The following DLG1 variants were observed in gnomAD, a reference collection of about 807,000 sequenced individuals.
DLG1 encodes discs large MAGUK scaffold protein 1.
Under a neutral mutation model 123.4 loss-of-function variants are expected in DLG1, and 42 were observed. That is an observed-to-expected ratio of 0.34 (90% CI 0.27 to 0.44). The LOEUF (loss-of-function observed/expected upper bound fraction) is 0.44, where lower values mean the gene tolerates loss of function less well. Ranked by LOEUF, DLG1 falls within the 20% of genes least tolerant of loss-of-function variation. DLG1 has a pLI of 1.00. For missense variants in DLG1, 942 were observed against 1,082.6 expected, an observed-to-expected ratio of 0.87 and a Z score of 1.82; for synonymous variants, 317 against 356.2, an observed-to-expected ratio of 0.89 and a Z score of 1.24.
At chr3:197,173,290 G>T (rs576082235) in intron 5 of DLG1, among the ~76,000 whole-genome samples, 1 of 152,266 alleles carries the variant, frequency 6.6e-6, no homozygotes, top group Admixed American at 6.5e-5. Context: ...GGATAAAAGG[G>T]TAGTTGATAA....
At chr3:197,110,260 A>T (rs1769113670) in intron 13 of DLG1, among the ~76,000 whole-genome samples, 1 of 152,180 alleles carries the variant, frequency 6.6e-6, no homozygotes. Flanking sequence ...TTCTTCTGCC[A>T]GCTCAAATCT....
At chr3:197,170,273 C>A (rs1346504883) in intron 5 of DLG1, among the ~76,000 whole-genome samples, 1 of 152,060 alleles carries the variant, frequency 6.6e-6, no homozygotes, top group Non-Finnish European at 1.5e-5. Flanking sequence ...GAGTATACAC[C>A]CAGTAATAGG....
chr3:197,078,880 A>C (rs918491701), intron 17 of DLG1, among the ~76,000 whole-genome samples: 3 of 152,200 alleles, frequency 2.0e-5, no homozygotes, highest in Middle Eastern at 3.2e-3. Flanking sequence ...TTCACAGCAA[A>C]CAACCAAAAG....
At chr3:197,283,859 G>GTTTTT (rs36055840) in intron 3 of DLG1, among the ~76,000 whole-genome samples, 7 of 104,880 alleles carry the variant, frequency 6.7e-5, no homozygotes, top group South Asian at 3.5e-4. Context: ...CAGTTGGGTT[G>GTTTTT]TTTTTTTTTT....
chr3:197,136,738 A>C, intron 9 of DLG1, 60 bp from the exon 10 acceptor site: 1 of 1,459,674 alleles, frequency 6.9e-7, no homozygotes, highest in Non-Finnish European at 9.3e-7. Flanking sequence ...CCAGAAAGAA[A>C]TGGTTGAAAA....
At chr3:197,288,737 A>C (rs1001445221) in intron 3 of DLG1, among the ~76,000 whole-genome samples, 31 of 57,314 alleles carry the variant, frequency 5.4e-4, no homozygotes, top group African/African-American at 3.0e-3. Context: ...AAAAAAAAAA[A>C]AAAAAAATAC....
At chr3:197,071,143 T>G (rs992915136) in intron 18 of DLG1, 12 of 152,158 alleles carry the variant, frequency 7.9e-5, no homozygotes, top group African/African-American at 2.9e-4. Flanking sequence ...AAAAGAGTTA[T>G]TCTGTTTACA....
At chr3:197,180,377 TA>T (rs989232076) in intron 5 of DLG1, among the ~76,000 whole-genome samples, 8 of 152,024 alleles carry the variant, frequency 5.3e-5, no homozygotes, top group African/African-American at 1.9e-4. Flanking sequence ...CGGGGCCGAT[TA>T]TTGAGTGACC....
At chr3:197,047,011 T>A (rs1309312382) in intron 24 of DLG1, among the ~76,000 whole-genome samples, 1 of 152,148 alleles carries the variant, frequency 6.6e-6, no homozygotes, top group Non-Finnish European at 1.5e-5. Flanking sequence ...CGATTTCAGA[T>A]TAAAGAACAT....
intron 5 of DLG1, among the ~76,000 whole-genome samples, chr3:197,175,263 C>A (rs763065754): frequency 1.3e-5 from 2 of 152,116 alleles, no homozygotes; most frequent in Non-Finnish European, 2.9e-5. Flanking sequence ...TTACCTTTAT[C>A]AAAATTCTAA....
intron 4 of DLG1, among the ~76,000 whole-genome samples, chr3:197,212,768 G>A (rs183525065): frequency 1.3e-5 from 2 of 152,242 alleles, no homozygotes; most frequent in Admixed American, 6.5e-5. Flanking sequence ...TAGGGGCTAG[G>A]ACTCCAACAT....
At chr3:197,097,038 A>C (rs1760986394) in intron 14 of DLG1, among the ~76,000 whole-genome samples, 2 of 152,186 alleles carry the variant, frequency 1.3e-5, no homozygotes, top group Non-Finnish European at 2.9e-5. Context: ...ATGACCTCAG[A>C]CACTGTGAGA....
intron 4 of DLG1, among the ~76,000 whole-genome samples, chr3:197,241,170 T>C (rs1448558719): frequency 6.6e-6 from 1 of 151,910 alleles, no homozygotes; most frequent in African/African-American, 2.4e-5. Flanking sequence ...ACAAATAACA[T>C]ATAAAGAAGC....
intron 4 of DLG1, among the ~76,000 whole-genome samples, chr3:197,256,001 A>G (rs1038158591): frequency 2.6e-5 from 4 of 152,218 alleles, no homozygotes; most frequent in African/African-American, 9.7e-5. Flanking sequence ...AATGGCCAAT[A>G]AACAAGAATC....
At chr3:197,228,439 A>C (rs1243679366) in intron 4 of DLG1, among the ~76,000 whole-genome samples, 1 of 152,220 alleles carries the variant, frequency 6.6e-6, no homozygotes, top group Non-Finnish European at 1.5e-5. Context: ...TTACACAATA[A>C]ACATGTAATA....
intron 4 of DLG1, among the ~76,000 whole-genome samples, chr3:197,280,722 T>C (rs1218897274): frequency 1.3e-5 from 2 of 152,054 alleles, no homozygotes; most frequent in Non-Finnish European, 2.9e-5. Flanking sequence ...AATCGGACAA[T>C]AAAAAATACT....
chr3:197,101,095 A>G (rs1287550468), intron 14 of DLG1, among the ~76,000 whole-genome samples: 2 of 152,022 alleles, frequency 1.3e-5, no homozygotes, highest in Non-Finnish European at 2.9e-5. Context: ...TTTCCATGTT[A>G]ATCTGTTTTT....
intron 4 of DLG1, among the ~76,000 whole-genome samples, chr3:197,272,606 A>G (rs1560101615): frequency 6.6e-6 from 1 of 152,234 alleles, no homozygotes; most frequent in Non-Finnish European, 1.5e-5. Context: ...AATCCACATG[A>G]CCATCAATGG....
chr3:197,101,542 C>T (rs1030984941), intron 14 of DLG1, among the ~76,000 whole-genome samples: 1 of 152,080 alleles, frequency 6.6e-6, no homozygotes, highest in South Asian at 2.1e-4. Flanking sequence ...CCCGCCACCA[C>T]GCCTGGCTAA....
Sources: allele counts gnomAD v4.1 joint callset (sites outside exome capture counted in the v4.1 genomes callset), GRCh38; gene constraint gnomAD v4.1.1; transcripts MANE v1.5; gene names NCBI Gene and HGNC (gene_info 2026-07-23, HGNC 2026-07-21).